The following CCNT1 variants were observed in gnomAD, a reference collection of about 807,000 sequenced individuals.
CCNT1 encodes the protein cyclin-T1.
Under a neutral mutation model 67.3 loss-of-function variants are expected in CCNT1, and 18 were observed. That is an observed-to-expected ratio of 0.27 (90% CI 0.18 to 0.40). CCNT1 has a LOEUF of 0.40. CCNT1 is among the 10% of genes least tolerant of loss of function. The pLI, the probability that CCNT1 is intolerant of heterozygous loss-of-function variation, is 1.00. For synonymous variants in CCNT1, 333 were observed against 310.3 expected (o/e 1.07, Z -0.77); for missense variants, 744 against 884.9 (o/e 0.84, Z 2.02).
intron 2 of CCNT1, among the ~76,000 whole-genome samples, chr12:48,706,652 T>C (rs1258467004): frequency 1.3e-5 from 2 of 152,176 alleles, no homozygotes; most frequent in Non-Finnish European, 2.9e-5. Flanking sequence ...GAACTTTTCT[T>C]GAATATTAAG....
chr12:48,693,537 A>G lies in CCNT1; in HGVS notation c.1677T>C (p.Tyr559=). The change falls in exon 9 of 9, where the codon TAT becomes TAC. Residue 559 remains tyrosine, a synonymous_variant. Coordinates refer to ENST00000261900, the MANE Select transcript of CCNT1 (RefSeq NM_001240.4). The part of the protein sequence containing the change: ...SQTSNLAHKT[Y]SLSSSFSSSS... Reference sequence around the variant, plus strand: ...AAGAGGAAAAAGAACTAGACAAGCTATAGGTTTTATGTGCTAAGTTGCTTG... The same window carrying G: ...AAGAGGAAAAAGAACTAGACAAGCTGTAGGTTTTATGTGCTAAGTTGCTTG... 6.2e-7 allele frequency: 1 copy of G among 1,614,136 alleles called. No individual in the cohort carries two copies. Among genetic ancestry groups the G allele is most frequent in the Non-Finnish European group, 8.5e-7 (1 of 1,180,010 alleles).
intron 8 of CCNT1, among the ~76,000 whole-genome samples, chr12:48,695,191 G>A (rs1008404120): frequency 1.3e-5 from 2 of 152,158 alleles, no homozygotes; most frequent in East Asian, 1.9e-4. Flanking sequence ...ACTCAACTCA[G>A]GAGAATGAAA....
intron 2 of CCNT1, among the ~76,000 whole-genome samples, chr12:48,709,006 C>T (rs900917369): frequency 6.6e-6 from 1 of 152,118 alleles, no homozygotes; most frequent in Admixed American, 6.6e-5. Context: ...GAGCCCAGGA[C>T]ATGGAGGCTG....
chr12:48,700,664 A>G (rs1179241748), intron 4 of CCNT1, among the ~76,000 whole-genome samples: 1 of 152,248 alleles, frequency 6.6e-6, no homozygotes, highest in Non-Finnish European at 1.5e-5. Context: ...TACCAATTTT[A>G]AAAACAAATG....
intron 4 of CCNT1, 53 bp downstream of exon 4, chr12:48,700,960 A>T (rs1338254682): frequency 1.8e-6 from 2 of 1,106,542 alleles, no homozygotes; most frequent in Admixed American, 2.2e-5. Context: ...TTTTAGAATC[A>T]AATCATTTTA....
At chr12:48,710,843 G>A (rs529294560) in intron 2 of CCNT1, among the ~76,000 whole-genome samples, 5 of 152,092 alleles carry the variant, frequency 3.3e-5, no homozygotes, top group East Asian at 1.9e-4. Context: ...CGGGTGGATC[G>A]TGAGGTCAGG....
intron 2 of CCNT1, among the ~76,000 whole-genome samples, chr12:48,713,009 A>C (rs1222198963): frequency 6.6e-6 from 1 of 152,178 alleles, no homozygotes; most frequent in Non-Finnish European, 1.5e-5. Flanking sequence ...CGTTTTATTA[A>C]GTAAATACAG....
At position 48,693,233 on chromosome 12, in the gene CCNT1, C is replaced by T. The variant is rs763177246; in HGVS notation, c.1981G>A (p.Val661Met). The change falls in exon 9 of 9, where the codon GTG (valine) becomes ATG (methionine). Residue 661 changes from valine (V) to methionine (M), a missense_variant. This residue lies in a region of CCNT1 where 564 missense variants were observed against 574.2 expected (regional missense o/e 0.98). Transcript: ENST00000261900. ...TTQTIDYQDT[V>M]NMLHSLLSAQ... ...CTGAGCAGGGAGTGAAGCATATTCA[C>T]AGTGTCTTGATAGTCTATTGTCTGG... 1 of 1,614,210 alleles carries T rather than the reference C, an allele frequency of 6.2e-7. No individual in the cohort carries two copies.
intron 2 of CCNT1, among the ~76,000 whole-genome samples, chr12:48,707,743 G>A (rs561610829): frequency 1.3e-5 from 2 of 148,660 alleles, no homozygotes; most frequent in South Asian, 4.1e-4. Flanking sequence ...GTAAAACTAG[G>A]AGAAAAGGAT....
chr12:48,697,637 G>A (rs1162062880), intron 6 of CCNT1, among the ~76,000 whole-genome samples: 1 of 146,950 alleles, frequency 6.8e-6, no homozygotes, highest in African/African-American at 2.5e-5. Context: ...TGGTTAACAA[G>A]GTAAAACCCC....
intron 4 of CCNT1, among the ~76,000 whole-genome samples, chr12:48,700,208 A>G (rs895735470): frequency 6.0e-5 from 9 of 151,060 alleles, no homozygotes; most frequent in Non-Finnish European, 1.3e-4. Flanking sequence ...AGTCCCAGCT[A>G]CTCTGGAGGC....
chr12:48,710,952 T>G (rs1423243044), intron 2 of CCNT1, among the ~76,000 whole-genome samples: 1 of 151,822 alleles, frequency 6.6e-6, no homozygotes, highest in Non-Finnish European at 1.5e-5. Context: ...TCCCAGCTAC[T>G]CGGGAGGCTG....
intron 3 of CCNT1, among the ~76,000 whole-genome samples, chr12:48,704,345 C>T (rs1434452386): frequency 6.6e-6 from 1 of 152,258 alleles, no homozygotes; most frequent in Non-Finnish European, 1.5e-5. Context: ...CACCTGAGCA[C>T]TGCCTCTTGT....
Position 48,693,613 on chromosome 12 carries a change from G to A in CCNT1, c.1601C>T (p.Pro534Leu), listed in dbSNP as rs763378412. The A allele has an allele frequency of 2.5e-6, 4 of 1,614,086 alleles. No homozygotes were observed. In the South Asian group the frequency reaches 4.4e-5, roughly 18 times the overall value. ...AGGACGTTTGTTCCCAGTACCAACT[G>A]GAAGTTGGGAATGAGAGTGCTTGTG... ...HSHKHSHSQLPVGTGNKRPGD... is the reference protein window; with the variant it reads ...HSHKHSHSQLLVGTGNKRPGD... Residue 534 changes from proline to leucine, a missense_variant, in exon 9 of 9, where the codon CCA (proline) becomes CTA (leucine). Transcript: ENST00000261900.
At chr12:48,694,568 G>A (rs560534520) in intron 8 of CCNT1, 132 bp from the exon 9 acceptor site, 52 of 693,556 alleles carry the variant, frequency 7.5e-5, no homozygotes, top group African/African-American at 6.6e-4. Context: ...ATCCTAACAT[G>A]TAATCCAATA....
chr12:48,716,687 C>A lies in CCNT1; in HGVS notation c.-12G>T, dbSNP rs1940539307. On this transcript the variant is annotated 5_prime_UTR_variant, in exon 1 of 9. Transcript: ENST00000261900. ...CTCTCTCCCTCCATAGTGCTTCAAC[C>A]AGAAGGCAGCGGCGAAGGCTGCAGG... 2 of 1,610,430 alleles carry A rather than the reference C, an allele frequency of 1.2e-6. No homozygotes were observed. Among genetic ancestry groups the A allele is most frequent in the Non-Finnish European group, 1.7e-6 (2 of 1,177,672 alleles).
chr12:48,697,534 A>AATATAT (rs771889041), intron 6 of CCNT1, among the ~76,000 whole-genome samples: 7 of 130,710 alleles, frequency 5.4e-5, no homozygotes, highest in Admixed American at 7.8e-5. Flanking sequence ...AAAAAAAAAA[A>AATATAT]ATATATATAT....
Position 48,716,647 on chromosome 12 carries a change from T to C in CCNT1, c.29A>G (p.Lys10Arg), listed in dbSNP as rs1258385672. Residue 10 changes from lysine (K) to arginine (R), a missense_variant, in exon 1 of 9, where the codon AAA (lysine) becomes AGA (arginine). By Grantham distance (26) the Lys-to-Arg change is conservative. Around this residue, in one of 3 missense-constraint regions of CCNT1, gnomAD observed 38 missense variants for 33.7 expected, o/e 1.13. Coordinates refer to ENST00000261900, the MANE Select transcript of CCNT1 (RefSeq NM_001240.4). MEGERKNNN[K>R]RWYFTREQLE... ...CTGTTCTCGAGTGAAATACCACCGT[T>C]TGTTGTTGTTCTTCCTCTCTCCCTC... The C allele has an allele frequency of 1.2e-6, 2 of 1,614,018 alleles. No homozygotes were observed. The highest frequency in any genetic ancestry group is 1.7e-6 in the Non-Finnish European group (2 of 1,179,948).
chr12:48,703,032 G>C (rs756929238), intron 3 of CCNT1, among the ~76,000 whole-genome samples: 8 of 151,676 alleles, frequency 5.3e-5, no homozygotes, highest in Non-Finnish European at 7.4e-5. Flanking sequence ...GAGGTGAAAT[G>C]ATCACCTGCT....
Sources: gnomAD v4.1 joint callset for allele counts (sites outside exome capture counted in the v4.1 genomes callset) on GRCh38, gnomAD v4.1.1 for gene constraint, gnomAD v4.1.1 regional missense constraint, MANE v1.5 for transcripts, NCBI Gene and HGNC (gene_info 2026-07-23, HGNC 2026-07-21) for gene names.